COL25A1: variants seen among roughly 807,000 people sequenced by gnomAD.
The protein encoded by COL25A1 is collagen alpha-1(XXV) chain.
COL25A1 carries 103 observed loss-of-function variants against 128.4 expected under a neutral mutation model. The observed-to-expected ratio is 0.80, with a 90% CI of 0.68 to 0.94. The LOEUF (loss-of-function observed/expected upper bound fraction) is 0.94, where lower values mean the gene tolerates loss of function less well. COL25A1 is among the 40% of genes least tolerant of loss of function. The probability of loss-of-function intolerance (pLI) is 0.00; values close to 1 mark genes in which losing one functional copy is unlikely to be tolerated. For synonymous variants in COL25A1, 279 were observed against 277.2 expected, an observed-to-expected ratio of 1.01 and a Z score of -0.06; for missense variants, 745 against 840.0, an observed-to-expected ratio of 0.89 and a Z score of 1.40.
At chr4:109,127,649 T>A (rs901788765) in intron 3 of COL25A1, among the ~76,000 whole-genome samples, 3 of 152,076 alleles carry the variant, frequency 2.0e-5, no homozygotes, top group African/African-American at 7.2e-5. Context: ...TTTCTGAGCT[T>A]TAGATTCCAC....
rs1182882350 is a variant in COL25A1 at position 109,261,749 on chromosome 4, G to A, written c.367+38834C>T. ...GTCTCGCTCTGTCACCCAGGCTGGAGTGCAGTGGCATGATCTCGGCTCACT... is the reference window on the plus strand; with the variant it reads ...GTCTCGCTCTGTCACCCAGGCTGGAATGCAGTGGCATGATCTCGGCTCACT... On this transcript the variant is annotated intron_variant, in intron 3 of 37. Transcript: ENST00000399132. Among the ~76,000 whole-genome samples the A allele has an allele frequency of 4.6e-5, 7 of 151,052 alleles. 1 individual carries two copies. Among genetic ancestry groups the A allele is most frequent in the Non-Finnish European group, 2.9e-5 (2 of 67,882 alleles).
intron 3 of COL25A1, among the ~76,000 whole-genome samples, chr4:109,214,508 T>A (rs969193049): frequency 6.6e-6 from 1 of 152,158 alleles, no homozygotes; most frequent in South Asian, 2.1e-4. Flanking sequence ...TTACCAACTT[T>A]GTTAGAAACA....
chr4:109,287,823 G>A (rs1724031297), intron 3 of COL25A1, among the ~76,000 whole-genome samples: 1 of 152,208 alleles, frequency 6.6e-6, no homozygotes, highest in African/African-American at 2.4e-5. Context: ...TTAAGGCCGA[G>A]CTGTTTGAGG....
chr4:109,050,501 T>C (rs1477634325), intron 3 of COL25A1, among the ~76,000 whole-genome samples: 10 of 152,098 alleles, frequency 6.6e-5, no homozygotes, highest in Non-Finnish European at 1.3e-4. Context: ...GAGTTTTATA[T>C]TTCTAAGAAA....
intron 37 of COL25A1, among the ~76,000 whole-genome samples, chr4:108,814,803 C>CA (rs1262174628): frequency 6.6e-6 from 1 of 150,728 alleles, no homozygotes; most frequent in African/African-American, 2.5e-5. Context: ...TTGTGGCAGT[C>CA]GTATAAATCA....
At chr4:108,841,315 C>A (rs528895338) in intron 31 of COL25A1, among the ~76,000 whole-genome samples, 1 of 151,916 alleles carries the variant, frequency 6.6e-6, no homozygotes, top group East Asian at 1.9e-4. Flanking sequence ...GACTACATGG[C>A]AAGCAAGAAA....
chr4:109,078,981 G>GA (rs903078224), intron 3 of COL25A1, among the ~76,000 whole-genome samples: 10 of 151,864 alleles, frequency 6.6e-5, no homozygotes, highest in African/African-American at 1.9e-4. Flanking sequence ...AAAAGGCAAG[G>GA]AAAAAAAATC....
At chr4:108,931,376 G>A (rs529167413) in intron 11 of COL25A1, among the ~76,000 whole-genome samples, 1 of 152,200 alleles carries the variant, frequency 6.6e-6, no homozygotes, top group East Asian at 1.9e-4. Flanking sequence ...CCTTGAGCTG[G>A]AGCCACTGTA....
chr4:109,283,238 G>A (rs1212719711), intron 3 of COL25A1, among the ~76,000 whole-genome samples: 5 of 151,998 alleles, frequency 3.3e-5, no homozygotes, highest in South Asian at 4.1e-4. Flanking sequence ...AACAAAATGC[G>A]AAAGTTCAGG....
At chr4:108,844,458 G>A (rs1578518140) in intron 30 of COL25A1, 61 bp downstream of exon 30, 1 of 1,613,706 alleles carries the variant, frequency 6.2e-7, no homozygotes, top group Non-Finnish European at 8.5e-7. Flanking sequence ...ATGTGTTCAT[G>A]TTCTCTCTAG....
At chr4:108,835,154 T>C (rs1283367993) in intron 31 of COL25A1, among the ~76,000 whole-genome samples, 3 of 152,232 alleles carry the variant, frequency 2.0e-5, no homozygotes, top group Admixed American at 2.0e-4. Flanking sequence ...AATGCATGCT[T>C]TTCTTCACTT....
At chr4:109,279,102 T>C (rs1318110296) in intron 3 of COL25A1, among the ~76,000 whole-genome samples, 2 of 141,564 alleles carry the variant, frequency 1.4e-5, no homozygotes, top group African/African-American at 2.7e-5. Context: ...TTTTAACATA[T>C]GAGTTTTGGG....
intron 5 of COL25A1, among the ~76,000 whole-genome samples, chr4:109,040,725 C>T (rs1319140723): frequency 6.6e-6 from 1 of 152,056 alleles, no homozygotes; most frequent in Non-Finnish European, 1.5e-5. Flanking sequence ...TCTATTTGTT[C>T]GGAGACTGGA....
chr4:109,191,053 A>G (rs1243570398), intron 3 of COL25A1, among the ~76,000 whole-genome samples: 2 of 152,214 alleles, frequency 1.3e-5, no homozygotes, highest in Non-Finnish European at 2.9e-5. Flanking sequence ...AAATTGCTTC[A>G]GCATTTTCCT....
At chr4:109,219,995 T>C (rs897887018) in intron 3 of COL25A1, among the ~76,000 whole-genome samples, 5 of 152,208 alleles carry the variant, frequency 3.3e-5, no homozygotes, top group Non-Finnish European at 7.3e-5. Flanking sequence ...TATTACTTGT[T>C]TTGTAATTAG....
intron 32 of COL25A1, among the ~76,000 whole-genome samples, chr4:108,827,723 T>A (rs758862214): frequency 2.6e-5 from 4 of 152,106 alleles, no homozygotes; most frequent in Non-Finnish European, 5.9e-5. Context: ...GATTACTATG[T>A]TGTCCAGGCT....
intron 6 of COL25A1, among the ~76,000 whole-genome samples, chr4:108,992,165 C>T (rs190004377): frequency 7.2e-5 from 11 of 152,254 alleles, no homozygotes; most frequent in South Asian, 2.1e-4. Context: ...AATTACAACA[C>T]GCATAACACT....
At chr4:109,077,438 C>T (rs538092609) in intron 3 of COL25A1, among the ~76,000 whole-genome samples, 1 of 151,998 alleles carries the variant, frequency 6.6e-6, no homozygotes, top group Non-Finnish European at 1.5e-5. Context: ...CCACCACCCC[C>T]CCGCCCCCAA....
intron 3 of COL25A1, among the ~76,000 whole-genome samples, chr4:109,196,321 G>C (rs1372216753): frequency 1.3e-5 from 2 of 152,076 alleles, no homozygotes; most frequent in African/African-American, 2.4e-5. Flanking sequence ...ACAAAAAGGA[G>C]AAAGTTTTCC....
Sources: allele counts gnomAD v4.1 joint callset (sites outside exome capture counted in the v4.1 genomes callset), GRCh38; gene constraint gnomAD v4.1.1; transcripts MANE v1.5; gene names NCBI Gene and HGNC (gene_info 2026-07-23, HGNC 2026-07-21).